The following ELMOD1 variants were observed in gnomAD, a reference collection of about 807,000 sequenced individuals.
The protein encoded by ELMOD1 is ELMO domain containing 1.
A neutral mutation model predicts 46.7 loss-of-function variants in ELMOD1; 21 were observed. That is an observed-to-expected ratio of 0.45 (90% CI 0.32 to 0.65). ELMOD1 has a LOEUF of 0.65. Ranked by LOEUF, ELMOD1 falls within the 30% of genes least tolerant of loss-of-function variation. The probability of loss-of-function intolerance (pLI) is 0.04; values close to 1 mark genes in which losing one functional copy is unlikely to be tolerated. For synonymous variants in ELMOD1, 122 were observed against 138.2 expected (o/e 0.88, Z 0.82); for missense variants, 348 against 407.8 (o/e 0.85, Z 1.26).
At chr11:107,631,280 C>T (rs771341703) in intron 4 of ELMOD1, among the ~76,000 whole-genome samples, 6 of 151,500 alleles carry the variant, frequency 4.0e-5, no homozygotes, top group African/African-American at 7.3e-5. Context: ...CTATGTTGGG[C>T]GAGGAAATGA....
At chr11:107,645,177 T>C (rs1051042260) in intron 6 of ELMOD1, among the ~76,000 whole-genome samples, 1 of 149,958 alleles carries the variant, frequency 6.7e-6, no homozygotes, top group Non-Finnish European at 1.5e-5. Context: ...GACCTCGTGA[T>C]CCACCCGCCT....
intron 11 of ELMOD1, among the ~76,000 whole-genome samples, chr11:107,656,336 C>T (rs923499304): frequency 6.0e-5 from 9 of 150,478 alleles, no homozygotes; most frequent in East Asian, 1.9e-4. Flanking sequence ...TGCAGTGAGC[C>T]GAGATCATGC....
intron 1 of ELMOD1, chr11:107,591,908 T>C (rs1189272687): frequency 4.0e-6 from 2 of 499,948 alleles, no homozygotes; most frequent in Admixed American, 2.2e-5. Flanking sequence ...CGCAGCGAGC[T>C]GGGAGGAGCG....
chr11:107,606,936 T>C (rs1304332504), intron 1 of ELMOD1, among the ~76,000 whole-genome samples: 4 of 152,352 alleles, frequency 2.6e-5, no homozygotes, highest in East Asian at 1.9e-4. Flanking sequence ...AAAAATGTAA[T>C]GAGATGATAG....
chr11:107,633,453 A>G (rs1182548427), intron 5 of ELMOD1, among the ~76,000 whole-genome samples: 3 of 151,986 alleles, frequency 2.0e-5, no homozygotes, highest in Non-Finnish European at 2.9e-5. Flanking sequence ...TTTTTTTGAG[A>G]CAAGAGTCTT....
chr11:107,617,996 G>A (rs1242441798), intron 1 of ELMOD1, 109 bp from the exon 2 acceptor site: 2 of 633,190 alleles, frequency 3.2e-6, no homozygotes, highest in African/African-American at 3.6e-5. Context: ...TGTTGATAAT[G>A]TTCTGGGTGG....
chr11:107,631,751 C>A, intron 5 of ELMOD1, 74 bp downstream of exon 5: 1 of 752,432 alleles, frequency 1.3e-6, no homozygotes, highest in Non-Finnish European at 2.0e-6. Context: ...TTCTCTGTCT[C>A]CTCTCTTTTT....
intron 2 of ELMOD1, among the ~76,000 whole-genome samples, chr11:107,623,121 C>T (rs1344478967): frequency 6.6e-6 from 1 of 151,970 alleles, no homozygotes; most frequent in Non-Finnish European, 1.5e-5. Flanking sequence ...GCTATCCCTC[C>T]CCGATTCCCC....
At chr11:107,595,383 A>T (rs182880544) in intron 1 of ELMOD1, among the ~76,000 whole-genome samples, 1 of 152,200 alleles carries the variant, frequency 6.6e-6, no homozygotes, top group Non-Finnish European at 1.5e-5. Context: ...TCCTGTTTGC[A>T]ATGTTTGCCA....
chr11:107,622,023 A>G (rs749024081), intron 2 of ELMOD1, among the ~76,000 whole-genome samples: 3 of 152,292 alleles, frequency 2.0e-5, no homozygotes, highest in Admixed American at 6.5e-5. Context: ...GCAAAACTCC[A>G]TCTCAAAAAT....
intron 8 of ELMOD1, among the ~76,000 whole-genome samples, chr11:107,650,662 G>A (rs1275645457): frequency 1.3e-5 from 2 of 152,166 alleles, no homozygotes; most frequent in Admixed American, 1.3e-4. Context: ...GGAAGACTGA[G>A]GAGGTGGGCA....
intron 6 of ELMOD1, among the ~76,000 whole-genome samples, chr11:107,641,867 T>TATCTAAA: frequency 1.3e-5 from 2 of 149,816 alleles, no homozygotes; most frequent in East Asian, 2.0e-4. Context: ...GAACTTACAA[T>TATCTAAA]ATCTAAACTC....
intron 1 of ELMOD1, among the ~76,000 whole-genome samples, chr11:107,599,752 G>GAAAAA (rs796354841): frequency 1.8e-4 from 10 of 55,324 alleles, no homozygotes; most frequent in East Asian, 7.5e-4. Context: ...AAAAAAAAAA[G>GAAAAA]AAAAAAAGAA....
intron 1 of ELMOD1, chr11:107,592,752 A>G (rs370904121): frequency 1.2e-4 from 22 of 178,134 alleles, no homozygotes; most frequent in African/African-American, 5.1e-4. Context: ...AGAAGAACCC[A>G]TTAACGTAGG....
In ELMOD1 at chr11:107,656,040, CA is replaced by C. The variant is rs781201250; in HGVS notation, c.807del (p.Leu270CysfsTer11). 1 of 1,557,090 alleles carries C rather than the reference CA, an allele frequency of 6.4e-7. No individual in the cohort carries two copies. The highest frequency in any genetic ancestry group is 2.4e-5 in the East Asian group (1 of 42,044). On this transcript the variant is annotated frameshift_variant, in exon 11 of 12. Transcript: ENST00000265840. LOFTEE classifies it high-confidence loss of function. Reference protein sequence around the residue: ...HFYNIAPEAPTLSHFQQTFCY... With the variant: ...HFYNIAPEAPXLSHFQQTFCY... ...TACAATATCGCCCCAGAAGCTCCAA[CA>C]TTGTCTCACTTTCAGCAAACATTCT...
At chr11:107,624,546 G>A (rs903218666) in intron 2 of ELMOD1, among the ~76,000 whole-genome samples, 1 of 152,180 alleles carries the variant, frequency 6.6e-6, no homozygotes, top group African/African-American at 2.4e-5. Flanking sequence ...AGCTACAGGG[G>A]AGGCTGAGGT....
intron 1 of ELMOD1, among the ~76,000 whole-genome samples, chr11:107,616,032 G>A (rs1308174956): frequency 6.1e-5 from 6 of 97,694 alleles, no homozygotes; most frequent in African/African-American, 2.4e-4. Flanking sequence ...GTCTCACTTT[G>A]TTGCCCAGGC....
At chr11:107,608,294 G>A (rs892404672) in intron 1 of ELMOD1, among the ~76,000 whole-genome samples, 3 of 151,936 alleles carry the variant, frequency 2.0e-5, no homozygotes, top group African/African-American at 7.3e-5. Context: ...ACTCAAGTTA[G>A]TATATATCTC....
intron 9 of ELMOD1, among the ~76,000 whole-genome samples, chr11:107,652,852 T>C (rs1866549715): frequency 6.6e-6 from 1 of 152,196 alleles, no homozygotes; most frequent in Non-Finnish European, 1.5e-5. Context: ...TGTGGTTGTG[T>C]GTTGTGTGTA....
Sources: gnomAD v4.1 joint callset for allele counts (sites outside exome capture counted in the v4.1 genomes callset) on GRCh38, gnomAD v4.1.1 for gene constraint, MANE v1.5 for transcripts, NCBI Gene and HGNC (gene_info 2026-07-23, HGNC 2026-07-21) for gene names.